The following SPMIP9 variants were observed in gnomAD, a reference collection of about 807,000 sequenced individuals.
SPMIP9 encodes sperm microtubule inner protein 9, also known as protein SPMIP9.
chr2:88,525,624 TC>T, the SPMIP9 span: 2 of 1,614,114 alleles, frequency 1.2e-6, no homozygotes, highest in Non-Finnish European at 1.7e-6. Flanking sequence ...AAACAACTTG[TC>T]TGTGTCTAGG....
the SPMIP9 span, chr2:88,529,147 A>T: frequency 6.2e-7 from 1 of 1,614,144 alleles, no homozygotes; most frequent in Non-Finnish European, 8.5e-7. Context: ...CTGCTTTCAA[A>T]AGACCCCACA....
the SPMIP9 span, chr2:88,525,578 A>G: frequency 6.3e-7 from 1 of 1,597,400 alleles, no homozygotes; most frequent in East Asian, 2.2e-5. Flanking sequence ...GCTTGAAGAT[A>G]GTGGCTACTT....
the SPMIP9 span, chr2:88,529,033 G>A: frequency 1.2e-6 from 2 of 1,601,024 alleles, no homozygotes; most frequent in South Asian, 1.1e-5. Context: ...CTCCATTCAT[G>A]TGTGATTTGT....
the SPMIP9 span, chr2:88,524,902 C>G: frequency 6.6e-6 from 1 of 152,244 alleles, no homozygotes; most frequent in African/African-American, 2.4e-5. Context: ...AGTGGAGTAC[C>G]CCTTAAGGAT....
At chr2:88,527,589 C>CAT in the SPMIP9 span, among the ~76,000 whole-genome samples, 9 of 152,118 alleles carry the variant, frequency 5.9e-5, no homozygotes, top group Admixed American at 3.3e-4. Flanking sequence ...AACATTATGG[C>CAT]ATATTATTCA....
the SPMIP9 span, chr2:88,528,996 C>G: frequency 6.5e-7 from 1 of 1,535,248 alleles, no homozygotes; most frequent in Non-Finnish European, 8.8e-7. Context: ...CCAAGAAAAG[C>G]TACATCATCT....
the SPMIP9 span, among the ~76,000 whole-genome samples, chr2:88,526,228 T>C: frequency 1.3e-5 from 2 of 151,468 alleles, no homozygotes; most frequent in Non-Finnish European, 2.9e-5. Flanking sequence ...AAGGCTGGAG[T>C]AGAGAAGGCA....
chr2:88,529,482 G>GA, the SPMIP9 span: 1 of 1,604,624 alleles, frequency 6.2e-7, no homozygotes, highest in Non-Finnish European at 8.5e-7. Flanking sequence ...TAGGAAGGAT[G>GA]AAAATACCTT....
chr2:88,528,299 A>G, the SPMIP9 span, among the ~76,000 whole-genome samples: 1 of 151,946 alleles, frequency 6.6e-6, no homozygotes, highest in East Asian at 1.9e-4. Flanking sequence ...CACGACACCC[A>G]GCTAATTTTT....
chr2:88,525,201 C>T, the SPMIP9 span, among the ~76,000 whole-genome samples: 1 of 152,198 alleles, frequency 6.6e-6, no homozygotes, highest in African/African-American at 2.4e-5. Flanking sequence ...CATATCTGTG[C>T]AACTCAGTGC....
chr2:88,529,392 C>T, the SPMIP9 span: 1 of 1,613,984 alleles, frequency 6.2e-7, no homozygotes, highest in African/African-American at 1.3e-5. Flanking sequence ...CTGCTACTGC[C>T]AGGGTGTCCC....
chr2:88,525,663 C>T, the SPMIP9 span: 1 of 1,614,134 alleles, frequency 6.2e-7, no homozygotes, highest in Non-Finnish European at 8.5e-7. Context: ...TGTGAAATAC[C>T]CGGGACAGGT....
At chr2:88,529,059 A>G in the SPMIP9 span, 1 of 1,610,358 alleles carries the variant, frequency 6.2e-7, no homozygotes, top group Admixed American at 1.7e-5. Flanking sequence ...CAGCAGGCAA[A>G]GCTCGATGCT....
chr2:88,525,797 G>GGT, the SPMIP9 span: 2 of 701,196 alleles, frequency 2.9e-6, no homozygotes, highest in Non-Finnish European at 4.8e-6. Context: ...GGTTTTGTGG[G>GGT]TTTTTTTTTT....
chr2:88,525,729 A>G, the SPMIP9 span: 2 of 1,569,568 alleles, frequency 1.3e-6, no homozygotes, highest in East Asian at 4.5e-5. Flanking sequence ...AGCCTCAGCA[A>G]GGCCCTGGAA....
chr2:88,529,180 C>A, the SPMIP9 span: 16 of 1,614,206 alleles, frequency 9.9e-6, no homozygotes, highest in Non-Finnish European at 1.4e-5. Context: ...ACCTGGGACT[C>A]CCCGGCTTCT....
the SPMIP9 span, chr2:88,525,757 G>A: frequency 7.3e-7 from 1 of 1,367,698 alleles, no homozygotes; most frequent in Non-Finnish European, 1.0e-6. Context: ...GCTCTTTCTA[G>A]AAGCTCATCT....
At chr2:88,528,807 A>G in the SPMIP9 span, among the ~76,000 whole-genome samples, 2 of 152,242 alleles carry the variant, frequency 1.3e-5, no homozygotes, top group African/African-American at 4.8e-5. Flanking sequence ...AAGCACTGAT[A>G]GCAGTGGTTG....
the SPMIP9 span, chr2:88,529,314 A>G: frequency 1.9e-6 from 3 of 1,614,174 alleles, no homozygotes; most frequent in Middle Eastern, 1.6e-4. Flanking sequence ...CAGGTCCTCC[A>G]GAGTGCTGAC....
Sources: allele counts gnomAD v4.1 joint callset (sites outside exome capture counted in the v4.1 genomes callset), GRCh38; gene constraint gnomAD v4.1.1; transcripts MANE v1.5; gene names NCBI Gene and HGNC (gene_info 2026-07-23, HGNC 2026-07-21).